The following DGKB variants were observed in gnomAD, a reference collection of about 807,000 sequenced individuals.
DGKB encodes 90 kDa diacylglycerol kinase.
Under a neutral mutation model 114.3 loss-of-function variants are expected in DGKB, and 67 were observed. That is an observed-to-expected ratio of 0.59 (90% CI 0.48 to 0.72). The LOEUF is 0.72. Among genes scored for constraint, DGKB ranks in the 30% least tolerant of loss-of-function variants. The probability of loss-of-function intolerance (pLI) is 0.00; values close to 1 mark genes in which losing one functional copy is unlikely to be tolerated. For missense variants in DGKB, 907 were observed against 975.2 expected (o/e 0.93, Z 0.93); for synonymous variants, 398 against 323.1 (o/e 1.23, Z -2.49).
chr7:14,405,461 C>T (rs1035144221), intron 21 of DGKB, among the ~76,000 whole-genome samples: 11 of 151,948 alleles, frequency 7.2e-5, no homozygotes, highest in African/African-American at 2.7e-4. Flanking sequence ...ATGAAATCAG[C>T]TTGTAGTAAG....
At chr7:14,408,556 A>G (rs1247521431) in intron 21 of DGKB, among the ~76,000 whole-genome samples, 1 of 152,156 alleles carries the variant, frequency 6.6e-6, no homozygotes, top group Non-Finnish European at 1.5e-5. Context: ...TGGAGGATAC[A>G]TTTAACAACC....
At chr7:14,258,583 A>G (rs1028264030) in intron 23 of DGKB, among the ~76,000 whole-genome samples, 1 of 152,196 alleles carries the variant, frequency 6.6e-6, no homozygotes, top group African/African-American at 2.4e-5. Flanking sequence ...GAAGAGAACA[A>G]GAATTGCTAG....
intron 1 of DGKB, among the ~76,000 whole-genome samples, chr7:14,850,065 G>T (rs1230617884): frequency 6.6e-6 from 1 of 152,134 alleles, no homozygotes; most frequent in East Asian, 1.9e-4. Context: ...CAACAGAAGA[G>T]AAAGAAAAGA....
chr7:14,237,762 C>T lies in DGKB; in HGVS notation c.2123-59611G>A, dbSNP rs542555692. 3.0e-3 allele frequency among the ~76,000 whole-genome samples: 456 copies of T among 151,898 alleles called. 2 individuals are homozygous for T. The highest frequency in any genetic ancestry group is 0.024 in the Middle Eastern group (7 of 294). On this transcript the variant is annotated intron_variant, in intron 23 of 25. Transcript: ENST00000402815. The stretch of plus-strand genomic sequence containing the variant: ...ATCTTGGCACCGAAAAATAGATCAT[C>T]TTTTTTAATTTGCCTGTTTAAGATA...
intron 17 of DGKB, among the ~76,000 whole-genome samples, chr7:14,602,534 G>C (rs934246583): frequency 6.6e-6 from 1 of 152,152 alleles, no homozygotes; most frequent in African/African-American, 2.4e-5. Flanking sequence ...AATGGGATTA[G>C]TGAATTTGTA....
At chr7:14,224,681 T>C (rs931619966) in intron 23 of DGKB, among the ~76,000 whole-genome samples, 2 of 151,974 alleles carry the variant, frequency 1.3e-5, no homozygotes, top group African/African-American at 4.8e-5. Context: ...TCTTTGTGAA[T>C]TCTAGTCCAC....
rs189715964 is a variant in DGKB at position 14,276,826 on chromosome 7, T to A, written c.2122+61689A>T. Among the ~76,000 whole-genome samples, 812 of 152,038 alleles carry A rather than the reference T, an allele frequency of 5.3e-3. 5 individuals carry two copies. The highest frequency in any genetic ancestry group is 9.4e-3 in the Non-Finnish European group (639 of 67,930). ...TAAAGGAAGAAAACATTTATATTTTTAAAATTATTATTATTGCTTTATAAT... is the reference window on the plus strand; with the variant it reads ...TAAAGGAAGAAAACATTTATATTTTAAAAATTATTATTATTGCTTTATAAT... On this transcript the variant is annotated intron_variant, in intron 23 of 25. Transcript: ENST00000402815.
chr7:14,435,820 T>C lies in DGKB; in HGVS notation c.1835+42341A>G, dbSNP rs144883112. ...TTATAAATTATGTTAGAAAGCAAGT[T>C]TATTATTTACAAAACTATTTTTGGA... On this transcript the variant is annotated intron_variant, in intron 21 of 25. Coordinates refer to ENST00000402815, the MANE Select transcript of DGKB (RefSeq NM_001350709.2). 1.1e-4 allele frequency among the ~76,000 whole-genome samples: 17 copies of C among 152,230 alleles called. No homozygotes were observed. In the East Asian group the frequency reaches 3.3e-3, roughly 29 times the overall value.
intron 23 of DGKB, among the ~76,000 whole-genome samples, chr7:14,279,163 G>A (rs199887658): frequency 1.1e-4 from 16 of 152,020 alleles, no homozygotes; most frequent in Non-Finnish European, 1.8e-4. Flanking sequence ...CGAATACTGC[G>A]CTTTTCCGAT....
intron 1 of DGKB, among the ~76,000 whole-genome samples, chr7:14,895,823 C>G (rs1782013410): frequency 6.6e-6 from 1 of 151,624 alleles, no homozygotes; most frequent in South Asian, 2.1e-4. Context: ...TCCATACACA[C>G]TAGGGAAGGC....
At chr7:14,967,478 G>A (rs1425059012) in intron 1 of DGKB, among the ~76,000 whole-genome samples, 4 of 151,288 alleles carry the variant, frequency 2.6e-5, no homozygotes, top group African/African-American at 7.3e-5. Context: ...GCACCACCAC[G>A]CCTGACTAAT....
At chr7:14,177,024 C>T in intron 24 of DGKB, 125 bp from the exon 25 acceptor site, 1 of 1,037,886 alleles carries the variant, frequency 9.6e-7, no homozygotes, top group Non-Finnish European at 1.4e-6. Context: ...AAATTTATCT[C>T]CAATGAAAGG....
chr7:14,778,583 G>C (rs374674054), intron 2 of DGKB, among the ~76,000 whole-genome samples: 7 of 152,074 alleles, frequency 4.6e-5, no homozygotes, highest in African/African-American at 1.7e-4. Context: ...TGATTTTTTA[G>C]AAGGTAAAGA....
intron 2 of DGKB, among the ~76,000 whole-genome samples, chr7:14,824,551 A>G (rs1350399116): frequency 6.6e-6 from 1 of 152,114 alleles, no homozygotes; most frequent in Admixed American, 6.6e-5. Flanking sequence ...AAGCTACATT[A>G]TATAATATAG....
chr7:14,154,492 T>C (rs538731736), intron 25 of DGKB, among the ~76,000 whole-genome samples: 2 of 152,116 alleles, frequency 1.3e-5, no homozygotes, highest in South Asian at 2.1e-4. Flanking sequence ...ATATAGTGTC[T>C]CACTGGTTTC....
intron 23 of DGKB, among the ~76,000 whole-genome samples, chr7:14,211,289 A>ATGTTTTGTGATATTTACTCTCATGTTT (rs1562626908): frequency 9.3e-5 from 10 of 107,048 alleles, no homozygotes; most frequent in African/African-American, 1.2e-4. Context: ...AGCCTCTACT[A>ATGTTTTGTGATATTTACTCTCATGTTT]TGTGATATTT....
chr7:14,264,118 A>T (rs1198129231), intron 23 of DGKB, among the ~76,000 whole-genome samples: 1 of 152,140 alleles, frequency 6.6e-6, no homozygotes. Context: ...TTCATCATGA[A>T]TTGCCAGTAG....
intron 4 of DGKB, among the ~76,000 whole-genome samples, chr7:14,738,681 G>C (rs1471207678): frequency 6.6e-6 from 1 of 152,130 alleles, no homozygotes; most frequent in Non-Finnish European, 1.5e-5. Flanking sequence ...AAGCCTCAAA[G>C]CCACATTACT....
rs769885797 is a variant in DGKB at position 14,619,126 on chromosome 7, C to A, written c.1284+2252G>T. Among the ~76,000 whole-genome samples, 8 of 151,378 alleles carry A rather than the reference C, an allele frequency of 5.3e-5. No homozygotes were observed. In the South Asian group the frequency reaches 6.2e-4, roughly 12 times the overall value. On this transcript the variant is annotated intron_variant, in intron 15 of 25. Coordinates refer to ENST00000402815, the MANE Select transcript of DGKB (RefSeq NM_001350709.2). The stretch of plus-strand genomic sequence containing the variant: ...TGCTGAGGTACAACAGGCTTTTGCA[C>A]ATGATTATATACCAACTTTTTTTAA...
Sources: gnomAD v4.1 joint callset for allele counts (sites outside exome capture counted in the v4.1 genomes callset) on GRCh38, gnomAD v4.1.1 for gene constraint, MANE v1.5 for transcripts, NCBI Gene and HGNC (gene_info 2026-07-23, HGNC 2026-07-21) for gene names.